The following CSNK1G3 variants were observed in gnomAD, a reference collection of about 807,000 sequenced individuals.
CSNK1G3 encodes casein kinase 1 gamma 3, also known as casein kinase I isoform gamma-3.
Under a neutral mutation model 64.3 loss-of-function variants are expected in CSNK1G3, and 23 were observed. The ratio of observed to expected loss-of-function variants is 0.36; its 90% CI spans 0.26 to 0.51. The LOEUF is 0.51. CSNK1G3 is among the 20% of genes least tolerant of loss of function. CSNK1G3 has a pLI of 0.96. For synonymous variants in CSNK1G3, 158 were observed against 162.2 expected (o/e 0.97, Z 0.20); for missense variants, 357 against 510.5 (o/e 0.70, Z 2.90).
chr5:123,579,550 C>G (rs1005736046), intron 6 of CSNK1G3, among the ~76,000 whole-genome samples: 1 of 151,870 alleles, frequency 6.6e-6, no homozygotes, highest in Non-Finnish European at 1.5e-5. Context: ...TTTATAACAA[C>G]TAACAAAGGT....
At chr5:123,571,245 C>T (rs978255321) in intron 4 of CSNK1G3, among the ~76,000 whole-genome samples, 1 of 151,994 alleles carries the variant, frequency 6.6e-6, no homozygotes, top group African/African-American at 2.4e-5. Flanking sequence ...GTATCCATTC[C>T]TGCTATGATT....
In CSNK1G3 at chr5:123,553,158, G is replaced by C. The variant is rs746193710; in HGVS notation, c.219+11G>C. The stretch of plus-strand genomic sequence containing the variant: ...GTGGCAATTAAGTTGGTAAGTTCCT[G>C]TTTCTTAATTTTTCTTAATGATTTC... On this transcript the variant is annotated intron_variant, in intron 3 of 12. Coordinates refer to ENST00000345990, the Ensembl canonical transcript of CSNK1G3. The C allele has an allele frequency of 3.7e-6, 5 of 1,335,864 alleles. No homozygotes were observed. In the Admixed American group the frequency reaches 1.3e-4, roughly 34 times the overall value. 82.8% of individuals were successfully genotyped at this position (1,335,864 alleles called of 1,614,324 possible). A position where few individuals can be genotyped will look rare whatever the true frequency, so the allele number is the denominator to read the frequency against.
At chr5:123,545,895 A>G (rs762552881) in intron 2 of CSNK1G3, 54 bp downstream of exon 2, 7 of 1,338,280 alleles carry the variant, frequency 5.2e-6, no homozygotes, top group Non-Finnish European at 7.4e-6. Context: ...AAATTGGAAG[A>G]TACTTTTTAA....
chr5:123,523,597 C>G (rs1249885235), intron 1 of CSNK1G3, among the ~76,000 whole-genome samples: 1 of 152,080 alleles, frequency 6.6e-6, no homozygotes, highest in East Asian at 1.9e-4. Flanking sequence ...AAATTTAGCA[C>G]CGGGTAGAGT....
intron 4 of CSNK1G3, among the ~76,000 whole-genome samples, chr5:123,565,554 G>A (rs59924470): frequency 6.6e-6 from 1 of 152,136 alleles, no homozygotes; most frequent in African/African-American, 2.4e-5. Flanking sequence ...AAGTTTGTTA[G>A]TACTTTTGTT....
intron 6 of CSNK1G3, among the ~76,000 whole-genome samples, chr5:123,583,424 G>A (rs1382763941): frequency 2.0e-5 from 3 of 150,568 alleles, no homozygotes; most frequent in Non-Finnish European, 4.4e-5. Context: ...GCAATGGCGC[G>A]ATCTTGGCTC....
chr5:123,539,094 A>G (rs1210783572), intron 1 of CSNK1G3, among the ~76,000 whole-genome samples: 2 of 152,154 alleles, frequency 1.3e-5, no homozygotes, highest in Non-Finnish European at 2.9e-5. Context: ...TTTGCCTTCC[A>G]AAGTACTGGA....
At chr5:123,574,662 A>G (rs1788800873) in intron 5 of CSNK1G3, among the ~76,000 whole-genome samples, 1 of 151,944 alleles carries the variant, frequency 6.6e-6, no homozygotes, top group Admixed American at 6.6e-5. Context: ...CTCTACAAAA[A>G]TAAAAATAAA....
exon 13 of CSNK1G3, chr5:123,614,606 T>G: frequency 4.4e-6 from 2 of 449,946 alleles, no homozygotes; most frequent in Non-Finnish European, 7.9e-6. Flanking sequence ...GCTTTAAAGT[T>G]TTGTCAAAAC....
rs34275675 is a variant in CSNK1G3 at position 123,526,840 on chromosome 5, TTGTGTG to T, written c.-248+14306_-248+14311del. On this transcript the variant is annotated intron_variant, in intron 1 of 12. Transcript: ENST00000345990. ...AAGAAATGTTTCATTCATGTACAGA[TTGTGTG>T]TGTGTGTGTGTGTGTGTGTGTGTGT... Among the ~76,000 whole-genome samples the T allele has an allele frequency of 4.8e-4, 61 of 126,746 alleles. 1 individual carries two copies. The highest frequency in any genetic ancestry group is 1.4e-3 in the Admixed American group (18 of 12,456). 83.2% of individuals were successfully genotyped at this position (126,746 alleles called of 152,430 possible).
chr5:123,575,186 G>T (rs966555164), intron 5 of CSNK1G3, among the ~76,000 whole-genome samples: 1 of 151,988 alleles, frequency 6.6e-6, no homozygotes, highest in Admixed American at 6.6e-5. Flanking sequence ...GATCTTTCTA[G>T]CTTCAAGATT....
At chr5:123,545,996 T>A in intron 2 of CSNK1G3, 155 bp downstream of exon 2, 1 of 685,468 alleles carries the variant, frequency 1.5e-6, no homozygotes, top group Non-Finnish European at 2.4e-6. Context: ...TTTGTAGTTG[T>A]ATTTTCATGT....
rs139101160 is a variant in CSNK1G3 at position 123,573,438 on chromosome 5, A to G, written c.335A>G (p.Asn112Ser). The G allele has an allele frequency of 1.8e-4, 288 of 1,613,934 alleles. No individual in the cohort carries two copies. Among genetic ancestry groups the G allele is most frequent in the Admixed American group, 3.5e-4 (21 of 60,002 alleles). Reference sequence around the variant, plus strand: ...TATTTCGGCCCTTGTGGTAAATACAATGCTATGGTGCTGGAACTGCTGGGA... The same window carrying G: ...TATTTCGGCCCTTGTGGTAAATACAGTGCTATGGTGCTGGAACTGCTGGGA... Residue 112 changes from asparagine (N) to serine (S), a missense_variant, in exon 5 of 13, where the codon AAT becomes AGT. Coordinates refer to ENST00000345990, the Ensembl canonical transcript of CSNK1G3.
At chr5:123,517,583 C>T (rs1408929782) in intron 1 of CSNK1G3, among the ~76,000 whole-genome samples, 4 of 151,936 alleles carry the variant, frequency 2.6e-5, no homozygotes, top group East Asian at 1.9e-4. Context: ...TTATTTTTCA[C>T]GTTTGTAAAA....
At chr5:123,555,954 A>G (rs1784544975) in intron 3 of CSNK1G3, among the ~76,000 whole-genome samples, 1 of 152,116 alleles carries the variant, frequency 6.6e-6, no homozygotes, top group Non-Finnish European at 1.5e-5. Context: ...GCACTGTTTT[A>G]AGTACTTTAT....
intron 1 of CSNK1G3, among the ~76,000 whole-genome samples, chr5:123,519,105 G>A (rs992596333): frequency 3.9e-5 from 6 of 151,978 alleles, no homozygotes; most frequent in Non-Finnish European, 7.4e-5. Flanking sequence ...CCAGGCTGGA[G>A]TGCCATGGCA....
chr5:123,536,841 A>G (rs1030276174), intron 1 of CSNK1G3, among the ~76,000 whole-genome samples: 1 of 152,198 alleles, frequency 6.6e-6, no homozygotes, highest in African/African-American at 2.4e-5. Flanking sequence ...AAAAATATTC[A>G]GCATCACAAA....
chr5:123,515,545 A>C (rs1776993306), intron 1 of CSNK1G3, among the ~76,000 whole-genome samples: 2 of 152,332 alleles, frequency 1.3e-5, no homozygotes, highest in East Asian at 1.9e-4. Context: ...AAATTTTCAC[A>C]GTTCGGGATT....
chr5:123,536,376 A>G (rs1234713459), intron 1 of CSNK1G3, among the ~76,000 whole-genome samples: 1 of 150,930 alleles, frequency 6.6e-6, no homozygotes, highest in Non-Finnish European at 1.5e-5. Context: ...TAACATGAAA[A>G]TTTGCCAAAA....
Sources: allele counts gnomAD v4.1 joint callset (sites outside exome capture counted in the v4.1 genomes callset), GRCh38; gene constraint gnomAD v4.1.1; transcripts MANE v1.5; gene names NCBI Gene and HGNC (gene_info 2026-07-23, HGNC 2026-07-21).